ZNF831: variants seen among roughly 807,000 people sequenced by gnomAD.
ZNF831 encodes the protein chromosome 20 open reading frame 174.
In ZNF831, 59 loss-of-function variants were observed where a neutral mutation model predicts 95.8. The observed-to-expected ratio is 0.62, with a 90% CI of 0.50 to 0.77. The LOEUF (loss-of-function observed/expected upper bound fraction) is 0.77. Ranked by LOEUF, ZNF831 falls within the 30% of genes least tolerant of loss-of-function variation. ZNF831 has a pLI of 0.00. For synonymous variants in ZNF831, 961 were observed against 925.5 expected, an observed-to-expected ratio of 1.04 and a Z score of -0.70; for missense variants, 2,205 against 2,164.0, an observed-to-expected ratio of 1.02 and a Z score of -0.38.
At chr20:59,251,817 T>TA (rs1987902555) in intron 4 of ZNF831, among the ~76,000 whole-genome samples, 1 of 152,216 alleles carries the variant, frequency 6.6e-6, no homozygotes, top group Non-Finnish European at 1.5e-5. Flanking sequence ...AAAATCGTCA[T>TA]TAATCCCAGG....
chr20:59,152,915 C>T (rs1300557178), intron 2 of ZNF831, among the ~76,000 whole-genome samples: 6 of 152,078 alleles, frequency 3.9e-5, no homozygotes, highest in Admixed American at 1.3e-4. Context: ...CCAAGAGTGA[C>T]GAGGCTACTA....
intron 4 of ZNF831, among the ~76,000 whole-genome samples, chr20:59,251,898 C>T (rs960463703): frequency 3.9e-5 from 6 of 152,152 alleles, no homozygotes; most frequent in South Asian, 2.1e-4. Flanking sequence ...CAGGTATTCT[C>T]CTAAACATAC....
chr20:59,142,541 G>A (rs888066792), intron 1 of ZNF831, among the ~76,000 whole-genome samples: 2 of 152,216 alleles, frequency 1.3e-5, no homozygotes, highest in African/African-American at 2.4e-5. Context: ...AGGGTGCGCA[G>A]AACCTGGGAT....
At chr20:59,143,372 G>C (rs533648354) in intron 1 of ZNF831, among the ~76,000 whole-genome samples, 4 of 152,242 alleles carry the variant, frequency 2.6e-5, no homozygotes, top group Non-Finnish European at 5.9e-5. Flanking sequence ...TGATGGAACT[G>C]GCTAGTGTGA....
rs1415903386 is a variant in ZNF831 at position 59,191,129 on chromosome 20, T to C, written c.110T>C (p.Leu37Pro). The stretch of plus-strand genomic sequence containing the variant: ...GGCCAGGCCTCACCTCACCTGACCC[T>C]GGGCCCTGTCCTTCTGCCGCCAGAG... Reference protein sequence around the residue: ...PGGQASPHLTLGPVLLPPEQG... With the variant: ...PGGQASPHLTPGPVLLPPEQG... Residue 37 changes from leucine (L) to proline (P), a missense_variant, in exon 2 of 6, where the codon CTG becomes CCG. Leu to Pro is a moderately conservative substitution (Grantham distance 98). Coordinates refer to ENST00000371030, the MANE Select transcript of ZNF831 (RefSeq NM_178457.3). 1.3e-6 allele frequency: 2 copies of C among 1,598,774 alleles called. No homozygotes were observed. The highest frequency in any genetic ancestry group is 2.2e-5 in the East Asian group (1 of 44,790).
chr20:59,244,024 T>C (rs1987471495), intron 4 of ZNF831, among the ~76,000 whole-genome samples: 1 of 152,246 alleles, frequency 6.6e-6, no homozygotes, highest in Non-Finnish European at 1.5e-5. Context: ...TGTCTGGGCA[T>C]GATTAAAGTT....
intron 3 of ZNF831, among the ~76,000 whole-genome samples, chr20:59,197,066 C>T (rs1471545580): frequency 2.0e-5 from 3 of 151,844 alleles, no homozygotes; most frequent in Admixed American, 6.6e-5. Context: ...GGATTATAGG[C>T]GGTGAGCCAC....
intron 4 of ZNF831, among the ~76,000 whole-genome samples, chr20:59,229,153 G>A (rs923276743): frequency 2.0e-5 from 3 of 152,158 alleles, no homozygotes; most frequent in Non-Finnish European, 4.4e-5. Context: ...CTTTTTAATG[G>A]CTGAATAATA....
intron 1 of ZNF831, among the ~76,000 whole-genome samples, chr20:59,164,786 A>C (rs1312089811): frequency 6.6e-6 from 1 of 152,186 alleles, no homozygotes; most frequent in Non-Finnish European, 1.5e-5. Flanking sequence ...CCAAAATAGC[A>C]AAGAGCTGGA....
At chr20:59,185,298 G>C (rs6100361) in intron 1 of ZNF831, among the ~76,000 whole-genome samples, 2 of 152,160 alleles carry the variant, frequency 1.3e-5, no homozygotes, top group African/African-American at 4.8e-5. Flanking sequence ...GTTACTCAAA[G>C]GCGTCAATTT....
chr20:59,226,421 C>G (rs975496595), intron 4 of ZNF831, among the ~76,000 whole-genome samples: 3 of 152,012 alleles, frequency 2.0e-5, no homozygotes, highest in African/African-American at 7.2e-5. Flanking sequence ...CTTTTTCTTA[C>G]CCCTCCCTGC....
At chr20:59,141,964 C>G (rs1359856976) in intron 1 of ZNF831, among the ~76,000 whole-genome samples, 4 of 152,342 alleles carry the variant, frequency 2.6e-5, no homozygotes, top group African/African-American at 9.6e-5. Flanking sequence ...TGGTGAACGG[C>G]TGGCTCTACG....
chr20:59,126,231 C>T (rs1979167214), intron 1 of ZNF831, among the ~76,000 whole-genome samples: 1 of 152,182 alleles, frequency 6.6e-6, no homozygotes, highest in African/African-American at 2.4e-5. Context: ...CTCTCTCTCC[C>T]CCGTGTCAAT....
intron 1 of ZNF831, among the ~76,000 whole-genome samples, chr20:59,138,323 T>G (rs1979575183): frequency 1.3e-5 from 2 of 151,604 alleles, no homozygotes; most frequent in South Asian, 4.1e-4. Flanking sequence ...AGGATGGGTC[T>G]CCCCGCTTTC....
At chr20:59,123,941 A>G (rs1168123780) in intron 1 of ZNF831, among the ~76,000 whole-genome samples, 1 of 152,204 alleles carries the variant, frequency 6.6e-6, no homozygotes, top group Non-Finnish European at 1.5e-5. Context: ...AGTTGAAAGG[A>G]TATTAAAGTT....
At chr20:59,211,364 T>C (rs562769225) in intron 4 of ZNF831, among the ~76,000 whole-genome samples, 46 of 152,370 alleles carry the variant, frequency 3.0e-4, no homozygotes, top group African/African-American at 1.0e-3. Flanking sequence ...AGCTGTGAGC[T>C]GCAGGATGTG....
At position 59,192,058 on chromosome 20, in the gene ZNF831, C is replaced by G. The variant is rs763302174; in HGVS notation, c.1039C>G (p.Leu347Val). Residue 347 changes from leucine to valine, a missense_variant, in exon 2 of 6, where the codon CTG becomes GTG. Leu to Val is a conservative substitution (Grantham distance 32). Transcript: ENST00000371030. The surrounding 1 kb of genome is among the most constrained non-coding windows in gnomAD (Gnocchi z 5.2). The stretch of plus-strand genomic sequence containing the variant: ...GTGTGAGAGCACCGACTCGGGGTAC[C>G]TGTCGCGCTCCGACAGCGCGGAGCA... ...RKCESTDSGY[L>V]SRSDSAEQPH... 3 of 1,607,568 alleles carry G rather than the reference C, an allele frequency of 1.9e-6. No homozygotes were observed. Among genetic ancestry groups the G allele is most frequent in the African/African-American group, 1.3e-5 (1 of 74,998 alleles).
At chr20:59,247,285 C>T (rs184909107) in intron 4 of ZNF831, among the ~76,000 whole-genome samples, 53 of 152,296 alleles carry the variant, frequency 3.5e-4, no homozygotes, top group African/African-American at 1.3e-3. Flanking sequence ...CCAGCACCTT[C>T]GTGCTTTTTC....
At chr20:59,214,741 C>T (rs571211130) in intron 4 of ZNF831, among the ~76,000 whole-genome samples, 118 of 152,254 alleles carry the variant, frequency 7.8e-4, no homozygotes, top group African/African-American at 2.6e-3. Context: ...CAAAAGCTGC[C>T]GAAGATTCTC....
Sources: gnomAD v4.1 joint callset for allele counts (sites outside exome capture counted in the v4.1 genomes callset) on GRCh38, gnomAD v4.1.1 for gene constraint, Gnocchi (gnomAD v3.1) non-coding constraint, MANE v1.5 for transcripts, NCBI Gene and HGNC (gene_info 2026-07-23, HGNC 2026-07-21) for gene names.